The following HEATR5B variants were observed in gnomAD, a reference collection of about 807,000 sequenced individuals.
HEATR5B encodes HEAT repeat containing 5B.
A neutral mutation model predicts 224.1 loss-of-function variants in HEATR5B; 156 were observed. That is an observed-to-expected ratio of 0.70 (90% confidence interval 0.61 to 0.80). The LOEUF is 0.80. Among genes scored for constraint, HEATR5B ranks in the 30% least tolerant of loss-of-function variants. The pLI is 0.00. For missense variants in HEATR5B, 2,323 were observed against 2,535.5 expected (o/e 0.92, Z 1.80); for synonymous variants, 1,027 against 893.0 (o/e 1.15, Z -2.68).
intron 4 of HEATR5B, 60 bp from the exon 5 acceptor site, chr2:37,075,694 C>T: frequency 7.3e-7 from 1 of 1,374,916 alleles, no homozygotes; most frequent in South Asian, 1.4e-5. Context: ...TAAACAAGAA[C>T]ACACCAAGAC....
chr2:36,983,459 A>T (rs1263745501), intron 35 of HEATR5B, among the ~76,000 whole-genome samples: 1 of 152,162 alleles, frequency 6.6e-6, no homozygotes, highest in Non-Finnish European at 1.5e-5. Flanking sequence ...GAATCGCTTG[A>T]ATCTGGAAGG....
At chr2:37,057,887 T>C (rs986865843) in intron 14 of HEATR5B, among the ~76,000 whole-genome samples, 1 of 152,182 alleles carries the variant, frequency 6.6e-6, no homozygotes, top group East Asian at 1.9e-4. Flanking sequence ...ATATATTAAA[T>C]GTGATATGAT....
intron 10 of HEATR5B, among the ~76,000 whole-genome samples, chr2:37,064,066 G>A (rs769466098): frequency 2.6e-5 from 4 of 151,944 alleles, no homozygotes; most frequent in African/African-American, 4.8e-5. Context: ...CACCTGCCTC[G>A]GCCTCTCAAA....
Position 37,070,317 on chromosome 2 carries a change from A to C in HEATR5B, c.840T>G (p.Arg280=), listed in dbSNP as rs773081371. 6.2e-7 allele frequency: 1 copy of C among 1,614,038 alleles called. No homozygotes were observed. Among genetic ancestry groups the C allele is most frequent in the Non-Finnish European group, 8.5e-7 (1 of 1,179,896 alleles). Residue 280 remains arginine (R), a synonymous_variant, in exon 7 of 36, where the codon CGT becomes CGG. Transcript: ENST00000233099. ...CGCTCTTTAAGAAACCTGACCCTCC[A>C]CGCAGAAATCCTGTGGCCATGAGTT... ...VLELMATGFL[R]GGSGFLKSGG...
intron 25 of HEATR5B, 79 bp from the exon 26 acceptor site, chr2:37,019,956 T>G (rs1054310927): frequency 5.0e-6 from 5 of 990,632 alleles, no homozygotes; most frequent in African/African-American, 4.9e-5. Context: ...CAGGCTGGAG[T>G]GCAGTGGTGC....
At chr2:37,004,326 T>G (rs1667276767) in intron 30 of HEATR5B, among the ~76,000 whole-genome samples, 1 of 151,082 alleles carries the variant, frequency 6.6e-6, no homozygotes, top group African/African-American at 2.4e-5. Flanking sequence ...CTATTTGACT[T>G]CCTAGGGATT....
chr2:36,999,166 C>A (rs951234200), intron 33 of HEATR5B, among the ~76,000 whole-genome samples: 14 of 151,866 alleles, frequency 9.2e-5, no homozygotes, highest in Admixed American at 2.0e-4. Flanking sequence ...CTGTGGTGAG[C>A]CAAGATTGCG....
chr2:37,012,812 T>G (rs900464429), intron 27 of HEATR5B, among the ~76,000 whole-genome samples: 1 of 152,160 alleles, frequency 6.6e-6, no homozygotes, highest in Non-Finnish European at 1.5e-5. Context: ...CCTCCTCCTA[T>G]CCTCCATGTT....
intron 30 of HEATR5B, among the ~76,000 whole-genome samples, chr2:37,004,477 A>T (rs144004763): frequency 6.6e-6 from 1 of 151,380 alleles, no homozygotes; most frequent in Non-Finnish European, 1.5e-5. Flanking sequence ...AGATCCTTTT[A>T]TCTACCCTAT....
intron 2 of HEATR5B, among the ~76,000 whole-genome samples, chr2:37,082,052 C>CTTTTTTTTTTT (rs61036576): frequency 1.3e-4 from 3 of 23,944 alleles, no homozygotes; most frequent in Non-Finnish European, 2.2e-4. Flanking sequence ...GAAGTATCTA[C>CTTTTTTTTTTT]TTTTTTTTTT....
intron 20 of HEATR5B, among the ~76,000 whole-genome samples, chr2:37,039,908 G>A (rs1327389142): frequency 6.6e-6 from 1 of 152,008 alleles, no homozygotes; most frequent in African/African-American, 2.4e-5. Flanking sequence ...TTTTCCTCTA[G>A]CAAAAAGAAA....
chr2:37,021,043 A>C (rs1159143070), intron 24 of HEATR5B, among the ~76,000 whole-genome samples: 1 of 152,146 alleles, frequency 6.6e-6, no homozygotes, highest in Non-Finnish European at 1.5e-5. Context: ...AATGCTGATG[A>C]TGTTATAGGA....
chr2:37,002,181 C>G (rs1402759864), intron 32 of HEATR5B, 125 bp downstream of exon 32: 4 of 1,073,248 alleles, frequency 3.7e-6, no homozygotes, highest in Admixed American at 4.8e-5. Flanking sequence ...AAAAAAAGAC[C>G]AGCTTCTTAT....
In HEATR5B at chr2:37,079,214, T is replaced by A; in HGVS notation, c.244A>T (p.Ile82Phe). Residue 82 changes from isoleucine (I) to phenylalanine (F), a missense_variant, in exon 3 of 36, where the codon ATT becomes TTT. Ile to Phe is a conservative substitution (Grantham distance 21). Coordinates refer to ENST00000233099, the MANE Select transcript of HEATR5B (RefSeq NM_019024.3). Reference sequence around the variant, plus strand: ...TGAAAAACTGTGAAAGTATCCCCAATGCTATAAAGGGCTGCGAGATTTTTA... The same window carrying A: ...TGAAAAACTGTGAAAGTATCCCCAAAGCTATAAAGGGCTGCGAGATTTTTA... ...LAKNLAALYSIGDTFTVFQTL... is the reference protein window; with the variant it reads ...LAKNLAALYSFGDTFTVFQTL... 6.2e-7 allele frequency: 1 copy of A among 1,605,828 alleles called. No homozygotes were observed. Among genetic ancestry groups the A allele is most frequent in the Non-Finnish European group, 8.5e-7 (1 of 1,172,480 alleles).
Position 37,084,344 on chromosome 2 carries a change from C to T in HEATR5B, c.-98G>A, listed in dbSNP as rs1438693679. ...ACCAAGAGACCCGGATGCCCCACCT[C>T]CCGCACTCCTACCTGCAGGAAACAA... is the stretch of plus-strand genomic sequence containing the variant. On this transcript the variant is annotated 5_prime_UTR_variant, in exon 1 of 36. Transcript: ENST00000233099. 8 of 443,216 alleles carry T rather than the reference C, an allele frequency of 1.8e-5. No homozygotes were observed. The highest frequency in any genetic ancestry group is 5.8e-4 in the Middle Eastern group (1 of 1,718). 27.5% of individuals were successfully genotyped at this position (443,216 alleles called of 1,614,324 possible). A position where few individuals can be genotyped will look rare whatever the true frequency, so the allele number is the denominator to read the frequency against.
intron 33 of HEATR5B, among the ~76,000 whole-genome samples, chr2:36,996,190 A>G (rs1666693920): frequency 6.6e-6 from 1 of 151,520 alleles, no homozygotes; most frequent in African/African-American, 2.4e-5. Flanking sequence ...CCTCCTGAGT[A>G]GCTGGGATTA....
chr2:37,041,310 C>A lies in HEATR5B; in HGVS notation c.2697-18G>T, dbSNP rs1000722246. ...ATTTCAACCTGAAAAAAAGATTATG[C>A]TTCAAGCACTAACTTTGCTATTTCC... On this transcript the variant is annotated intron_variant, in intron 18 of 35. Transcript: ENST00000233099. The A allele has an allele frequency of 1.2e-6, 2 of 1,611,566 alleles. No individual in the cohort carries two copies. The highest frequency in any genetic ancestry group is 1.7e-5 in the Admixed American group (1 of 59,876).
At chr2:37,082,358 G>C (rs929201019) in intron 2 of HEATR5B, among the ~76,000 whole-genome samples, 3 of 151,990 alleles carry the variant, frequency 2.0e-5, no homozygotes, top group Non-Finnish European at 2.9e-5. Context: ...GGGATTACAG[G>C]CGTGAACCAC....
At position 37,037,974 on chromosome 2, in the gene HEATR5B, C is replaced by T; in HGVS notation, c.3097G>A (p.Ala1033Thr). The change falls in exon 21 of 36, where the codon GCA (alanine) becomes ACA (threonine). Residue 1033 changes from alanine (A) to threonine (T), a missense_variant. This residue lies in a region of HEATR5B where 88 missense variants were observed against 86.8 expected (regional missense o/e 1.01). Coordinates refer to ENST00000233099, the MANE Select transcript of HEATR5B (RefSeq NM_019024.3). ...GAATCTGAATGGTCTTGTGTTATTG[C>T]ACAACCCACCAAACAAGAGGAACGA... ...TIRSSCLVGC[A>T]ITQDHSDSLV... 1 of 1,595,112 alleles carries T rather than the reference C, an allele frequency of 6.3e-7. No homozygotes were observed. The highest frequency in any genetic ancestry group is 8.6e-7 in the Non-Finnish European group (1 of 1,168,518).
Sources: allele counts gnomAD v4.1 joint callset (sites outside exome capture counted in the v4.1 genomes callset), GRCh38; gene constraint gnomAD v4.1.1; regional missense constraint gnomAD v4.1.1; transcripts MANE v1.5; gene names NCBI Gene and HGNC (gene_info 2026-07-23, HGNC 2026-07-21).